VPS16: variants seen among roughly 807,000 people sequenced by gnomAD.
VPS16 encodes the protein VPS16 core subunit of CORVET and HOPS complexes.
A neutral mutation model predicts 116.0 loss-of-function variants in VPS16; 82 were observed. The observed-to-expected ratio is 0.71, with a 90% CI of 0.59 to 0.85. The LOEUF (loss-of-function observed/expected upper bound fraction) is 0.85. Among genes scored for constraint, VPS16 ranks in the 40% least tolerant of loss-of-function variants. The probability of loss-of-function intolerance (pLI) is 0.00; values close to 1 mark genes in which losing one functional copy is unlikely to be tolerated. For missense variants in VPS16, 928 were observed against 1,090.6 expected, an observed-to-expected ratio of 0.85 and a Z score of 2.10; for synonymous variants, 406 against 420.7, an observed-to-expected ratio of 0.96 and a Z score of 0.43.
chr20:2,840,835 GCCCC>G lies in VPS16; in HGVS notation c.53+9_53+12del. 1 of 1,524,340 alleles carries G rather than the reference GCCCC, an allele frequency of 6.6e-7. No individual in the cohort carries two copies. The allele number at this position is 1,524,340 out of a possible 1,614,324, so 94.4% of individuals were successfully genotyped here. A position where few individuals can be genotyped will look rare whatever the true frequency, so the allele number is the denominator to read the frequency against. On this transcript the variant is annotated intron_variant, in intron 1 of 23. Transcript: ENST00000380445. ...GGACTCTGCCTTTTACCGGTGAGCT[GCCCC>G]GCCCTCCCGCCCACGGCCTGGCTTA...
chr20:2,862,796 G>T lies in VPS16; in HGVS notation c.1204-11G>T, dbSNP rs1280359981. 1 of 1,613,778 alleles carries T rather than the reference G, an allele frequency of 6.2e-7. No homozygotes were observed. Among genetic ancestry groups the T allele is most frequent in the Non-Finnish European group, 8.5e-7 (1 of 1,179,990 alleles). On this transcript the variant is annotated splice_polypyrimidine_tract_variant and intron_variant, in intron 12 of 23. Coordinates refer to ENST00000380445, the MANE Select transcript of VPS16 (RefSeq NM_022575.4). ...GGAAGCTCTCTCCTATCGCCCTCTGGCTCTTCTCAGGCCGCCTCCTTCGGA... is the reference window on the plus strand; with the variant it reads ...GGAAGCTCTCTCCTATCGCCCTCTGTCTCTTCTCAGGCCGCCTCCTTCGGA...
In VPS16 at chr20:2,863,452, A is replaced by G; in HGVS notation, c.1476+54A>G. 6.4e-7 allele frequency: 1 copy of G among 1,566,972 alleles called. No individual in the cohort carries two copies. Among genetic ancestry groups the G allele is most frequent in the Non-Finnish European group, 8.8e-7 (1 of 1,138,690 alleles). On this transcript the variant is annotated intron_variant, in intron 15 of 23. Coordinates refer to ENST00000380445, the MANE Select transcript of VPS16 (RefSeq NM_022575.4). This position sits in a 1 kb window ranked among gnomAD's most constrained non-coding sequence, Gnocchi z 4.4. ...ATTTAGAGGATTCCAGGCCCTGGTG[A>G]GGTGGAGGAAATAGAAAGTGTAGAA...
At chr20:2,854,983 T>C (rs1243271890) in intron 1 of VPS16, among the ~76,000 whole-genome samples, 2 of 143,350 alleles carry the variant, frequency 1.4e-5, no homozygotes, top group African/African-American at 5.1e-5. Context: ...TTTTTTGAGA[T>C]GGAATCTCGC....
At chr20:2,851,925 G>C (rs377137328) in intron 1 of VPS16, among the ~76,000 whole-genome samples, 3 of 152,144 alleles carry the variant, frequency 2.0e-5, no homozygotes, top group Non-Finnish European at 4.4e-5. Context: ...AGCCGAGATC[G>C]TGCCACTGTA....
intron 11 of VPS16, 32 bp downstream of exon 11, chr20:2,862,162 A>T (rs1244914884): frequency 1.1e-5 from 17 of 1,604,202 alleles, no homozygotes. Context: ...CCAGTCCCAG[A>T]ATGGTTCCTC....
Position 2,865,215 on chromosome 20 carries a change from T to C in VPS16, c.2072T>C (p.Phe691Ser), listed in dbSNP as rs2089311962. The change falls in exon 21 of 24, where the codon TTC (phenylalanine) becomes TCC (serine). Residue 691 changes from phenylalanine (F) to serine (S), a missense_variant. By Grantham distance (155) the Phe-to-Ser change is radical. Coordinates refer to ENST00000380445, the MANE Select transcript of VPS16 (RefSeq NM_022575.4). The surrounding 1 kb of genome is among the most constrained non-coding windows in gnomAD (Gnocchi z 5.2). ...CTAGAAGACGAGCTGGGGGGCCAGTTCCTAGACCTGTCTCTACATGACACA... is the reference window on the plus strand; with the variant it reads ...CTAGAAGACGAGCTGGGGGGCCAGTCCCTAGACCTGTCTCTACATGACACA... Reference protein sequence around the residue: ...RRLEDELGGQFLDLSLHDTVT... With the variant: ...RRLEDELGGQSLDLSLHDTVT... 2.5e-6 allele frequency: 4 copies of C among 1,614,056 alleles called. No homozygotes were observed. Among genetic ancestry groups the C allele is most frequent in the Non-Finnish European group, 3.4e-6 (4 of 1,180,044 alleles).
Position 2,862,789 on chromosome 20 carries a change from C to T in VPS16, c.1204-18C>T, listed in dbSNP as rs774096540. 1 of 1,613,684 alleles carries T rather than the reference C, an allele frequency of 6.2e-7. No homozygotes were observed. Among genetic ancestry groups the T allele is most frequent in the Admixed American group, 1.7e-5 (1 of 60,028 alleles). ...GCAGCAGGGAAGCTCTCTCCTATCG[C>T]CCTCTGGCTCTTCTCAGGCCGCCTC... On this transcript the variant is annotated intron_variant, in intron 12 of 23. Coordinates refer to ENST00000380445, the MANE Select transcript of VPS16 (RefSeq NM_022575.4).
chr20:2,840,789 G>A lies in VPS16; in HGVS notation c.15G>A (p.Thr5=). Residue 5 remains threonine (T), a synonymous_variant, in exon 1 of 24, where the codon ACG becomes ACA. Transcript: ENST00000380445. The stretch of plus-strand genomic sequence containing the variant: ...CTGCACCAGCCATGGACTGCTACAC[G>A]GCGAACTGGAACCCACTCGGGGACT... MDCY[T]ANWNPLGDSA... The A allele has an allele frequency of 1.3e-6, 2 of 1,548,380 alleles. No homozygotes were observed. Among genetic ancestry groups the A allele is most frequent in the Non-Finnish European group, 1.7e-6 (2 of 1,146,590 alleles).
At chr20:2,855,209 C>T (rs1265762913) in intron 1 of VPS16, among the ~76,000 whole-genome samples, 3 of 151,840 alleles carry the variant, frequency 2.0e-5, no homozygotes, top group East Asian at 1.9e-4. Context: ...CTGCCTGCCT[C>T]GGCCTTCCAA....
intron 1 of VPS16, among the ~76,000 whole-genome samples, chr20:2,842,698 G>GTATC (rs2088999295): frequency 7.5e-6 from 1 of 132,666 alleles, no homozygotes; most frequent in African/African-American, 3.3e-5. Context: ...ACATCTAGAT[G>GTATC]TATCTATATA....
intron 1 of VPS16, among the ~76,000 whole-genome samples, chr20:2,855,164 T>A (rs2089161151): frequency 6.6e-6 from 1 of 151,960 alleles, no homozygotes; most frequent in Admixed American, 6.6e-5. Context: ...TTTCACCATA[T>A]TGGCCAGGCT....
intron 1 of VPS16, among the ~76,000 whole-genome samples, chr20:2,845,044 T>TG (rs1314451374): frequency 5.6e-5 from 6 of 106,994 alleles, no homozygotes; most frequent in African/African-American, 2.2e-4. Flanking sequence ...GTGTGTGTGT[T>TG]TTAAGTTCCT....
In VPS16 at chr20:2,863,909, A is replaced by G. The variant is rs2089279118; in HGVS notation, c.1477-40A>G. 1 of 1,601,958 alleles carries G rather than the reference A, an allele frequency of 6.2e-7. No homozygotes were observed. Among genetic ancestry groups the G allele is most frequent in the Admixed American group, 1.7e-5 (1 of 59,682 alleles). Reference sequence around the variant, plus strand: ...GGCTTGCAGGAGTGGAGAGTGAGGAATGGCATCCAGATGTTTGTGACACCC... The same window carrying G: ...GGCTTGCAGGAGTGGAGAGTGAGGAGTGGCATCCAGATGTTTGTGACACCC... On this transcript the variant is annotated intron_variant, in intron 15 of 23. Coordinates refer to ENST00000380445, the MANE Select transcript of VPS16 (RefSeq NM_022575.4). The surrounding 1 kb of genome is among the most constrained non-coding windows in gnomAD (Gnocchi z 4.4).
intron 1 of VPS16, among the ~76,000 whole-genome samples, chr20:2,841,718 G>A (rs988893413): frequency 6.6e-6 from 1 of 151,482 alleles, no homozygotes; most frequent in South Asian, 2.1e-4. Context: ...GGCGACATTT[G>A]TATAGGTTTC....
Position 2,846,114 on chromosome 20 carries a change from T to C in VPS16, c.53+5287T>C, listed in dbSNP as rs12480370. 2.7e-3 allele frequency among the ~76,000 whole-genome samples: 128 copies of C among 47,822 alleles called. 4 individuals carry two copies. Among genetic ancestry groups the C allele is most frequent in the African/African-American group, 0.016 (97 of 6,076 alleles). The allele number at this position is 47,822 out of a possible 152,430, so 31.4% of individuals were successfully genotyped here. A position where few individuals can be genotyped will look rare whatever the true frequency, so the allele number is the denominator to read the frequency against. ...TATTCAATATTTTCTGTACTCCGCT[T>C]TTTTTTTTTTTTTTTTTTTTGAGAT... On this transcript the variant is annotated intron_variant, in intron 1 of 23. Transcript: ENST00000380445.
intron 12 of VPS16, 48 bp from the exon 13 acceptor site, chr20:2,862,759 G>GGGGGGGGGGGGGGGGGGGGGGGGT: frequency 1.3e-6 from 1 of 777,202 alleles, no homozygotes; most frequent in Non-Finnish European, 2.1e-6. Flanking sequence ...GAGGGGGTGG[G>GGGGGGGGGGGGGGGGGGGGGGGGT]ATGGGCAGCA....
At chr20:2,862,326 TC>T in intron 11 of VPS16, 196 bp downstream of exon 11, 2 of 943,548 alleles carry the variant, frequency 2.1e-6, no homozygotes, top group Non-Finnish European at 1.5e-6. Flanking sequence ...GGGCAGAGCA[TC>T]CCCACTATCC....
chr20:2,849,559 A>G (rs1273823644), intron 1 of VPS16, among the ~76,000 whole-genome samples: 3 of 152,060 alleles, frequency 2.0e-5, no homozygotes, highest in Non-Finnish European at 4.4e-5. Flanking sequence ...TCTGCCTCCC[A>G]AAACGCTGAG....
Position 2,863,137 on chromosome 20 carries a change from AG to A in VPS16, c.1367+43del. ...CCAAGGGTGCAGTGAGCGGGCTGTC[AG>A]GGGGGTGGGCATTACAGCCTTGGGT... is the stretch of plus-strand genomic sequence containing the variant. On this transcript the variant is annotated intron_variant, in intron 14 of 23. Coordinates refer to ENST00000380445, the MANE Select transcript of VPS16 (RefSeq NM_022575.4). The surrounding 1 kb of genome is among the most constrained non-coding windows in gnomAD (Gnocchi z 4.4). 1 of 1,612,684 alleles carries A rather than the reference AG, an allele frequency of 6.2e-7. No homozygotes were observed. The highest frequency in any genetic ancestry group is 1.1e-5 in the South Asian group (1 of 91,044).
Sources: gnomAD v4.1 joint callset for allele counts (sites outside exome capture counted in the v4.1 genomes callset) on GRCh38, gnomAD v4.1.1 for gene constraint, Gnocchi (gnomAD v3.1) non-coding constraint, MANE v1.5 for transcripts, NCBI Gene and HGNC (gene_info 2026-07-23, HGNC 2026-07-21) for gene names.